FBXW5: variants seen among roughly 807,000 people sequenced by gnomAD.
The protein encoded by FBXW5 is F-box and WD repeat domain containing 5.
FBXW5 carries 74 observed loss-of-function variants against 50.9 expected under a neutral mutation model. The observed-to-expected ratio is 1.45, with a 90% CI of 1.20 to 1.76. FBXW5 has a LOEUF of 1.76. FBXW5 is among the 40% of genes most tolerant of loss of function. The pLI, the probability that FBXW5 is intolerant of heterozygous loss-of-function variation, is 0.00. For missense variants in FBXW5, 1,073 were observed against 818.8 expected (o/e 1.31, Z -3.79); for synonymous variants, 523 against 362.2 (o/e 1.44, Z -5.04).
At position 136,940,556 on chromosome 9, in the gene FBXW5, G is replaced by A. The variant is rs867354282; in HGVS notation, c.*372C>T. 1 of 283,166 alleles carries A rather than the reference G, an allele frequency of 3.5e-6. No individual in the cohort carries two copies. 17.5% of individuals were successfully genotyped at this position (283,166 alleles called of 1,614,324 possible). On this transcript the variant is annotated 3_prime_UTR_variant, in exon 9 of 9. Coordinates refer to ENST00000325285, the MANE Select transcript of FBXW5 (RefSeq NM_018998.4). The stretch of plus-strand genomic sequence containing the variant: ...CCCGGGCGCACAACCACAGCCAGGA[G>A]CAGCCCCTGCCACCACTGGGCCACC...
Position 136,941,095 on chromosome 9 carries a change from C to A in FBXW5, c.1534G>T (p.Val512Leu). The A allele has an allele frequency of 6.3e-7, 1 of 1,578,240 alleles. No individual in the cohort carries two copies. Among genetic ancestry groups the A allele is most frequent in the Non-Finnish European group, 8.6e-7 (1 of 1,161,998 alleles). ...ICLARLRHED[V>L]VNSVVFSPQE... ...GGACTGAAGACCACTGAGTTGACCA[C>A]ATCCTCGTGCCGCAGCCTGGCCAGA... Residue 512 changes from valine to leucine, a missense_variant, in exon 9 of 9, where the codon GTG (valine) becomes TTG (leucine). Val to Leu is a conservative substitution (Grantham distance 32). Coordinates refer to ENST00000325285, the MANE Select transcript of FBXW5 (RefSeq NM_018998.4).
intron 5 of FBXW5, 36 bp from the exon 6 acceptor site, chr9:136,942,502 C>T (rs371469606): frequency 2.8e-5 from 45 of 1,598,396 alleles, no homozygotes; most frequent in African/African-American, 2.7e-4. Flanking sequence ...GGGCGCCGGG[C>T]GCCAGGCCCC....
chr9:136,941,910 G>T (rs7040705), intron 6 of FBXW5, 136 bp downstream of exon 6: 2 of 1,437,914 alleles, frequency 1.4e-6, no homozygotes, highest in East Asian at 2.5e-5. Flanking sequence ...CCCAGGTCTG[G>T]GCTTGTGACC....
Position 136,940,862 on chromosome 9 carries a change from G to GA in FBXW5, c.*65dup. The stretch of plus-strand genomic sequence containing the variant: ...AAGCATCTCCACCTCTCCCGCTCGG[G>GA]AAAAAGCCACAGAGCCTGGCGATGT... On this transcript the variant is annotated 3_prime_UTR_variant, in exon 9 of 9. Transcript: ENST00000325285. The GA allele has an allele frequency of 6.6e-7, 1 of 1,525,820 alleles. No homozygotes were observed. The highest frequency in any genetic ancestry group is 1.2e-5 in the South Asian group (1 of 83,472). 94.5% of individuals were successfully genotyped at this position (1,525,820 alleles called of 1,614,324 possible). A position where few individuals can be genotyped will look rare whatever the true frequency, so the allele number is the denominator to read the frequency against.
rs762472482 is a variant in FBXW5, at chr9:136,942,252, TGGGCGG to T, written c.884_889del (p.Pro295_Ala296del). The T allele has an allele frequency of 6.9e-6, 11 of 1,583,420 alleles. No homozygotes were observed. Among genetic ancestry groups the T allele is most frequent in the Non-Finnish European group, 6.9e-6 (8 of 1,166,022 alleles). On this transcript the variant is annotated inframe_deletion, in exon 6 of 9. Transcript: ENST00000325285. The stretch of plus-strand genomic sequence containing the variant: ...AAAGTGCCGCAAGCCCTCCTTGGCG[TGGGCGG>T]GGGCCGGGCCAGCCACCACCTCCTC...
In FBXW5 at chr9:136,942,940, A is replaced by G; in HGVS notation, c.355T>C (p.Trp119Arg). The change falls in exon 4 of 9, where the codon TGG becomes CGG. Residue 119 changes from tryptophan (W) to arginine (R), a missense_variant. Coordinates refer to ENST00000325285, the MANE Select transcript of FBXW5 (RefSeq NM_018998.4). ...SCSKDCTVKI[W>R]SNDLTISLLH... ...AGCGAGATGGTCAGGTCGTTGCTCC[A>G]GATCTGTTCGGCAGGGGCGGCTGTA... 1.2e-6 allele frequency: 2 copies of G among 1,612,928 alleles called. No homozygotes were observed. Among genetic ancestry groups the G allele is most frequent in the South Asian group, 2.2e-5 (2 of 91,068 alleles).
Position 136,943,965 on chromosome 9 carries a change from GACACGGCCTGCC to G in FBXW5, c.107_118del (p.Trp36_Val39del), listed in dbSNP as rs759220739. The stretch of plus-strand genomic sequence containing the variant: ...CTCCCTCCACAGGAACTCGTCCCGC[GACACGGCCTGCC>G]ATTGGCGGCACACCAGCCCGGCGGC... On this transcript the variant is annotated inframe_deletion, in exon 2 of 9. Coordinates refer to ENST00000325285, the MANE Select transcript of FBXW5 (RefSeq NM_018998.4). 61 of 1,567,698 alleles carry G rather than the reference GACACGGCCTGCC, an allele frequency of 3.9e-5. No individual in the cohort carries two copies. Among genetic ancestry groups the G allele is most frequent in the Non-Finnish European group, 5.1e-5 (59 of 1,157,754 alleles).
At position 136,942,586 on chromosome 9, in the gene FBXW5, G is replaced by A; in HGVS notation, c.636C>T (p.Ile212=). 6.2e-7 allele frequency: 1 copy of A among 1,611,632 alleles called. No homozygotes were observed. The highest frequency in any genetic ancestry group is 8.5e-7 in the Non-Finnish European group (1 of 1,179,480). Residue 212 remains isoleucine, a synonymous_variant, in exon 5 of 9, where the codon ATC becomes ATT. Transcript: ENST00000325285. The part of the protein sequence containing the change: ...ISGNLHRIGD[I]TSCSVLWLNN... Reference sequence around the variant, plus strand: ...TGAGCCACAGCACCGAGCAGGAGGTGATATCTCCGATGCGGTGCAGGTTCC... The same window carrying A: ...TGAGCCACAGCACCGAGCAGGAGGTAATATCTCCGATGCGGTGCAGGTTCC...
Position 136,940,791 on chromosome 9 carries a change from C to G in FBXW5, c.*137G>C. ...CTGCGTGAGCAGGTTTGTGTGTGAG[C>G]GTGTGGCGGGGCCTGGTTGTCCCCT... On this transcript the variant is annotated 3_prime_UTR_variant, in exon 9 of 9. Transcript: ENST00000325285. 7.7e-7 allele frequency: 1 copy of G among 1,306,246 alleles called. No individual in the cohort carries two copies. The highest frequency in any genetic ancestry group is 1.5e-5 in the South Asian group (1 of 68,084). 80.9% of individuals were successfully genotyped at this position (1,306,246 alleles called of 1,614,324 possible).
chr9:136,941,733 T>C, intron 6 of FBXW5, 49 bp from the exon 7 acceptor site: 3 of 1,525,880 alleles, frequency 2.0e-6, no homozygotes, highest in African/African-American at 1.4e-5. Flanking sequence ...CCCAAGGACA[T>C]CACTCCAGGG....
In FBXW5 at chr9:136,940,709, AGGCCGAGGG is replaced by A. The variant is rs1304741877; in HGVS notation, c.*210_*218del. The A allele has an allele frequency of 5.8e-6, 4 of 688,154 alleles. No individual in the cohort carries two copies. Among genetic ancestry groups the A allele is most frequent in the Middle Eastern group, 4.2e-4 (1 of 2,390 alleles). The allele number at this position is 688,154 out of a possible 1,614,324, so 42.6% of individuals were successfully genotyped here. On this transcript the variant is annotated 3_prime_UTR_variant, in exon 9 of 9. Transcript: ENST00000325285. ...TCCTGTGTACCCCAAGTTGCCCAGG[AGGCCGAGGG>A]GGCCTTGGGCTCCATCTGCACTGGC...
rs368747499 is a variant in FBXW5, at chr9:136,942,708, C to T, written c.527-13G>A. ...AGCGCGAAGGAGTCTGTGGGGAGGC[C>T]GGGGCTGGACAGGCTGTCGGCGTGG... is the stretch of plus-strand genomic sequence containing the variant. On this transcript the variant is annotated splice_polypyrimidine_tract_variant and intron_variant, in intron 4 of 8. Transcript: ENST00000325285. The T allele has an allele frequency of 3.9e-5, 62 of 1,610,028 alleles. No individual in the cohort carries two copies. Among genetic ancestry groups the T allele is most frequent in the Non-Finnish European group, 4.6e-5 (54 of 1,178,864 alleles).
In FBXW5 at chr9:136,942,148, C is replaced by T; in HGVS notation, c.994G>A (p.Ala332Thr). ...MLETKVAELL[A>T]QGHTKPPERS... The stretch of plus-strand genomic sequence containing the variant: ...TCGGGTGGCTTGGTGTGGCCCTGGG[C>T]CAGCAGCTCGGCCACCTTGGTCTCT... Residue 332 changes from alanine (A) to threonine (T), a missense_variant, in exon 6 of 9, where the codon GCC becomes ACC. Coordinates refer to ENST00000325285, the MANE Select transcript of FBXW5 (RefSeq NM_018998.4). 2.5e-6 allele frequency: 4 copies of T among 1,608,420 alleles called. No homozygotes were observed. Among genetic ancestry groups the T allele is most frequent in the South Asian group, 1.1e-5 (1 of 90,108 alleles).
chr9:136,944,343 C>T, intron 1 of FBXW5: 1 of 601,064 alleles, frequency 1.7e-6, no homozygotes, highest in Non-Finnish European at 2.3e-6. Flanking sequence ...CGCCCCTCAG[C>T]CCGCCAGGGC....
intron 1 of FBXW5, 29 bp downstream of exon 1, chr9:136,944,565 G>GGACCCCCGAGGGCCGCAGGCGC (rs1850960789): frequency 3.0e-6 from 3 of 983,774 alleles, no homozygotes; most frequent in African/African-American, 3.5e-5. Context: ...CGACAAGGCG[G>GGACCCCCGAGGGCCGCAGGCGC]GACCCCCGAG....
Position 136,941,065 on chromosome 9 carries a change from C to T in FBXW5, c.1564G>A (p.Glu522Lys), listed in dbSNP as rs776254175. The change falls in exon 9 of 9, where the codon GAG becomes AAG. Residue 522 changes from glutamate to lysine, a missense_variant. Coordinates refer to ENST00000325285, the MANE Select transcript of FBXW5 (RefSeq NM_018998.4). ...VVNSVVFSPQ[E>K]QELLLTASDD... Reference sequence around the variant, plus strand: ...CTGGCCGTGAGCAGCAGCTCCTGCTCCTGGGGACTGAAGACCACTGAGTTG... The same window carrying T: ...CTGGCCGTGAGCAGCAGCTCCTGCTTCTGGGGACTGAAGACCACTGAGTTG... 2 of 1,559,800 alleles carry T rather than the reference C, an allele frequency of 1.3e-6. No homozygotes were observed. Among genetic ancestry groups the T allele is most frequent in the South Asian group, 1.2e-5 (1 of 85,226 alleles).
rs1210529042 is a variant in FBXW5 at position 136,941,692 on chromosome 9, G to A, written c.1097-8C>T. 5.2e-6 allele frequency: 8 copies of A among 1,550,586 alleles called. 1 individual carries two copies. The highest frequency in any genetic ancestry group is 3.3e-4 in the Middle Eastern group (2 of 6,012). ...GCAGGATCTGCTTGATGCCTGCAGG[G>A]AGGGCTACGGTGAGGGTCCCTGTCC... On this transcript the variant is annotated splice_region_variant and splice_polypyrimidine_tract_variant and intron_variant, in intron 6 of 8. Transcript: ENST00000325285.
rs1366696494 is a variant in FBXW5 at position 136,940,894 on chromosome 9, G to A, written c.*34C>T. The stretch of plus-strand genomic sequence containing the variant: ...CCACAGAGCCTGGCGATGTCCTCAA[G>A]GGGTCCCGGTGGCTCCAGTGCACCC... On this transcript the variant is annotated 3_prime_UTR_variant, in exon 9 of 9. Coordinates refer to ENST00000325285, the MANE Select transcript of FBXW5 (RefSeq NM_018998.4). The A allele has an allele frequency of 3.8e-6, 6 of 1,564,436 alleles. No homozygotes were observed. The highest frequency in any genetic ancestry group is 3.6e-5 in the Admixed American group (2 of 55,880).
rs112696621 is a variant in FBXW5 at position 136,943,347 on chromosome 9, A to G, written c.351+2T>C. On this transcript the variant is annotated splice_donor_variant, in intron 3 of 8. Transcript: ENST00000325285. LOFTEE classifies it high-confidence loss of function. Reference sequence around the variant, plus strand: ...GTGTGCAGGACACCTGGCCGTCCTCACCTTCACAGTGCAGTCCTTGGAGCA... The same window carrying G: ...GTGTGCAGGACACCTGGCCGTCCTCGCCTTCACAGTGCAGTCCTTGGAGCA... 1 of 1,596,830 alleles carries G rather than the reference A, an allele frequency of 6.3e-7. No homozygotes were observed. Among genetic ancestry groups the G allele is most frequent in the Non-Finnish European group, 8.5e-7 (1 of 1,171,344 alleles).
Sources: allele counts gnomAD v4.1 joint callset, GRCh38; gene constraint gnomAD v4.1.1; transcripts MANE v1.5; gene names NCBI Gene and HGNC (gene_info 2026-07-23, HGNC 2026-07-21).